Variants in ANXA8 observed in about 807,000 individuals in gnomAD.
ANXA8 encodes the protein VAC-beta.
Under a neutral mutation model 26.8 loss-of-function variants are expected in ANXA8, and 9 were observed. That is an observed-to-expected ratio of 0.34 (90% CI 0.20 to 0.59). The LOEUF (loss-of-function observed/expected upper bound fraction) is 0.59, where lower values mean the gene tolerates loss of function less well. Ranked by LOEUF, ANXA8 falls within the 20% of genes least tolerant of loss-of-function variation. The probability of loss-of-function intolerance (pLI) is 0.84; values close to 1 mark genes in which losing one functional copy is unlikely to be tolerated. For synonymous variants in ANXA8, 39 were observed against 94.8 expected (o/e 0.41, Z 3.42); for missense variants, 83 against 238.5 (o/e 0.35, Z 4.29).
chr10:47,469,125 T>C (rs1158202919), intron 11 of ANXA8, among the ~76,000 whole-genome samples: 20 of 148,568 alleles, frequency 1.3e-4, no homozygotes, highest in Non-Finnish European at 3.0e-4. Flanking sequence ...ACCAACTACA[T>C]GCAGGATTGA....
chr10:47,570,931 G>A, the ANXA8 span, among the ~76,000 whole-genome samples: 11 of 150,250 alleles, frequency 7.3e-5, no homozygotes, highest in African/African-American at 2.5e-4. Flanking sequence ...AAAGGCATTT[G>A]GGCCTTTGAC....
At chr10:47,676,444 A>G in the ANXA8 span, among the ~76,000 whole-genome samples, 1 of 151,916 alleles carries the variant, frequency 6.6e-6, no homozygotes, top group African/African-American at 2.4e-5. Flanking sequence ...GAGATCTTAC[A>G]AGCAACAGGA....
the ANXA8 span, among the ~76,000 whole-genome samples, chr10:47,947,720 T>G: frequency 6.6e-6 from 1 of 150,694 alleles, no homozygotes; most frequent in African/African-American, 2.5e-5. Flanking sequence ...CAACCATGCT[T>G]CCTGTACAGC....
At chr10:47,980,284 G>C in the ANXA8 span, among the ~76,000 whole-genome samples, 3 of 151,612 alleles carry the variant, frequency 2.0e-5, no homozygotes, top group African/African-American at 7.2e-5. Flanking sequence ...GCAATACTTA[G>C]GGAGACTTTT....
chr10:47,767,620 C>G, the ANXA8 span, among the ~76,000 whole-genome samples: 3 of 150,840 alleles, frequency 2.0e-5, no homozygotes, highest in African/African-American at 7.3e-5. Context: ...CCTATTCTAG[C>G]GCTTTGTCCA....
chr10:47,894,649 A>G, the ANXA8 span, among the ~76,000 whole-genome samples: 1 of 145,040 alleles, frequency 6.9e-6, no homozygotes, highest in Non-Finnish European at 1.5e-5. Flanking sequence ...CACCACACAC[A>G]CCACAGAATA....
the ANXA8 span, among the ~76,000 whole-genome samples, chr10:47,648,029 A>C: frequency 6.6e-6 from 1 of 151,876 alleles, no homozygotes; most frequent in African/African-American, 2.4e-5. Flanking sequence ...CTGAGGCTAG[A>C]CCTCTGAGGG....
At chr10:47,777,372 C>T in the ANXA8 span, among the ~76,000 whole-genome samples, 3 of 152,038 alleles carry the variant, frequency 2.0e-5, no homozygotes, top group Non-Finnish European at 4.4e-5. Flanking sequence ...AGGCTGGTCT[C>T]GAACTCCCGG....
chr10:47,645,519 G>A, the ANXA8 span, among the ~76,000 whole-genome samples: 2 of 148,068 alleles, frequency 1.4e-5, no homozygotes, highest in East Asian at 3.9e-4. Flanking sequence ...AAGAGAAAGA[G>A]AAAGACAAAG....
At chr10:47,666,253 T>G in the ANXA8 span, among the ~76,000 whole-genome samples, 14 of 147,440 alleles carry the variant, frequency 9.5e-5, no homozygotes, top group South Asian at 2.8e-3. Context: ...TTAGAGGCCT[T>G]GAATGTTTGG....
chr10:47,674,651 G>A, the ANXA8 span, among the ~76,000 whole-genome samples: 10 of 151,720 alleles, frequency 6.6e-5, no homozygotes, highest in Non-Finnish European at 1.5e-4. Flanking sequence ...CCCTCCTCAA[G>A]GGCAAAGTGT....
the ANXA8 span, among the ~76,000 whole-genome samples, chr10:47,584,121 G>C: frequency 1.3e-5 from 2 of 148,696 alleles, no homozygotes; most frequent in Non-Finnish European, 3.0e-5. Context: ...TGAAGCTATA[G>C]TGAGCCGAGA....
chr10:47,489,048 T>G (rs1311109513), upstream of ANXA8, among the ~76,000 whole-genome samples: 11 of 142,806 alleles, frequency 7.7e-5, no homozygotes, highest in African/African-American at 2.9e-4. Context: ...GACCGAGTCT[T>G]GCTCTGTAGC....
At chr10:47,475,105 C>T in intron 6 of ANXA8, 101 bp from the exon 7 acceptor site, 6 of 1,484,784 alleles carry the variant, frequency 4.0e-6, no homozygotes, top group Non-Finnish European at 4.6e-6. Context: ...GGCTCTGCTG[C>T]TCTTTGGCTG....
At chr10:47,515,498 A>G in the ANXA8 span, among the ~76,000 whole-genome samples, 1 of 38,852 alleles carries the variant, frequency 2.6e-5, no homozygotes, top group African/African-American at 1.1e-4. Flanking sequence ...GTAAAATGTA[A>G]AAAAAAAAAG....
chr10:47,543,682 T>C, the ANXA8 span: 1 of 791,408 alleles, frequency 1.3e-6, no homozygotes, highest in Non-Finnish European at 1.9e-6. Context: ...ATAAACTCAA[T>C]CATACAGCAG....
At chr10:47,778,856 T>G in the ANXA8 span, among the ~76,000 whole-genome samples, 2 of 151,664 alleles carry the variant, frequency 1.3e-5, no homozygotes, top group East Asian at 3.9e-4. Flanking sequence ...ATATGATGGC[T>G]GATTTCTGCT....
the ANXA8 span, among the ~76,000 whole-genome samples, chr10:47,685,712 AAG>A: frequency 1.3e-4 from 19 of 149,550 alleles, no homozygotes; most frequent in Admixed American, 2.0e-4. Context: ...CCCAAGGAGG[AAG>A]AGAGAGAGAG....
At chr10:47,567,620 T>TC in the ANXA8 span, among the ~76,000 whole-genome samples, 10 of 151,988 alleles carry the variant, frequency 6.6e-5, no homozygotes, top group East Asian at 1.9e-3. Flanking sequence ...GTTCCCTCTG[T>TC]CCCCACCCAC....
Sources: gnomAD v4.1 joint callset for allele counts (sites outside exome capture counted in the v4.1 genomes callset) on GRCh38, gnomAD v4.1.1 for gene constraint, MANE v1.5 for transcripts, NCBI Gene and HGNC (gene_info 2026-07-23, HGNC 2026-07-21) for gene names.